Variants in WDTC1 observed in about 807,000 individuals in gnomAD.
WDTC1 encodes WD and tetratricopeptide repeats protein 1.
WDTC1 carries 12 observed loss-of-function variants against 76.0 expected under a neutral mutation model. That is an observed-to-expected ratio of 0.16 (90% CI 0.10 to 0.26). The LOEUF is 0.26. WDTC1 is among the 10% of genes least tolerant of loss of function. The pLI is 1.00. For missense variants in WDTC1, 511 were observed against 908.8 expected (o/e 0.56, Z 5.63); for synonymous variants, 326 against 350.8 (o/e 0.93, Z 0.79).
At chr1:27,253,376 T>C (rs1263768573) in intron 1 of WDTC1, among the ~76,000 whole-genome samples, 11 of 68,354 alleles carry the variant, frequency 1.6e-4, no homozygotes, top group Non-Finnish European at 3.4e-4. Context: ...TCTTCTTCTT[T>C]CTTCTTTCTT....
chr1:27,276,061 C>CT (rs1233854172), intron 3 of WDTC1, among the ~76,000 whole-genome samples: 3 of 152,182 alleles, frequency 2.0e-5, no homozygotes, highest in Non-Finnish European at 2.9e-5. Context: ...CTGTACTTCT[C>CT]TTTTTTGCGG....
rs751733642 is a variant in WDTC1, at chr1:27,292,379, G to T, written c.644G>T (p.Arg215Leu). ...SGPFVRLYDI[R>L]MIHNHRKSMK... ...CCCTTCGTGAGGCTCTATGACATCC[G>T]CATGATCCATAACCACAGGTATGAA... Residue 215 changes from arginine to leucine, a missense_variant, in exon 7 of 16, where the codon CGC becomes CTC. Physicochemically the swap from Arg to Leu is moderately radical, Grantham distance 102. Transcript: ENST00000319394. The T allele has an allele frequency of 2.5e-6, 4 of 1,604,148 alleles. No individual in the cohort carries two copies. Among genetic ancestry groups the T allele is most frequent in the Non-Finnish European group, 2.6e-6 (3 of 1,174,920 alleles).
At chr1:27,249,825 C>G (rs1299430903) in intron 1 of WDTC1, among the ~76,000 whole-genome samples, 1 of 152,154 alleles carries the variant, frequency 6.6e-6, no homozygotes, top group Non-Finnish European at 1.5e-5. Flanking sequence ...GATTCTCCCT[C>G]GGCCTCCCAA....
At position 27,303,659 on chromosome 1, in the gene WDTC1, C is replaced by G. The variant is rs769042238; in HGVS notation, c.1507C>G (p.Leu503Val). 6.2e-7 allele frequency: 1 copy of G among 1,608,088 alleles called. No homozygotes were observed. The highest frequency in any genetic ancestry group is 8.5e-7 in the Non-Finnish European group (1 of 1,177,884). Residue 503 changes from leucine to valine, a missense_variant, in exon 14 of 16, where the codon CTC becomes GTC. Physicochemically the swap from Leu to Val is conservative, Grantham distance 32. Coordinates refer to ENST00000319394, the MANE Select transcript of WDTC1 (RefSeq NM_001276252.2). The surrounding 1 kb of genome is among the most constrained non-coding windows in gnomAD (Gnocchi z 4.8). ...ACCTGGTGGCGGCGCCCCAGTCCGC[C>G]TCCGCAGCACGAGCCGCAAGGACTC... ...KGPGGGAPVR[L>V]RSTSRKDSIS...
At chr1:27,275,651 C>T (rs539628898) in intron 3 of WDTC1, among the ~76,000 whole-genome samples, 199 of 151,750 alleles carry the variant, frequency 1.3e-3, no homozygotes, top group Middle Eastern at 6.8e-3. Flanking sequence ...AAAGATGGAG[C>T]GGGGATCTGA....
rs542842151 is a variant in WDTC1, at chr1:27,291,573, G to C, written c.480-642G>C. Among the ~76,000 whole-genome samples the C allele has an allele frequency of 1.3e-3, 195 of 152,306 alleles. 1 individual carries two copies. The highest frequency in any genetic ancestry group is 4.6e-3 in the African/African-American group (193 of 41,562). On this transcript the variant is annotated intron_variant, in intron 6 of 15. Coordinates refer to ENST00000319394, the MANE Select transcript of WDTC1 (RefSeq NM_001276252.2). ...GCAGCACAAAGTTTCCCCGTCTGGA[G>C]CGGTGGGAGTTTGCTGCTGTTTGGT...
intron 1 of WDTC1, among the ~76,000 whole-genome samples, chr1:27,249,629 G>C (rs889880262): frequency 6.6e-6 from 1 of 151,936 alleles, no homozygotes; most frequent in South Asian, 2.1e-4. Context: ...TCTCACTAAG[G>C]CTGGAGTGGC....
chr1:27,262,572 G>C (rs1009393846), intron 2 of WDTC1, among the ~76,000 whole-genome samples: 49 of 152,104 alleles, frequency 3.2e-4, no homozygotes, highest in Admixed American at 9.2e-4. Flanking sequence ...ATTTTTAGTA[G>C]AGATGGGGTT....
At chr1:27,273,206 C>CTTTTTTTTTTTTTT (rs57130485) in intron 3 of WDTC1, among the ~76,000 whole-genome samples, 14 of 103,666 alleles carry the variant, frequency 1.4e-4, no homozygotes, top group Non-Finnish European at 1.6e-4. Flanking sequence ...TTTTTCTTTT[C>CTTTTTTTTTTTTTT]TTTTTTTTTT....
At chr1:27,281,697 TC>T (rs1166124387) in intron 3 of WDTC1, among the ~76,000 whole-genome samples, 9 of 152,056 alleles carry the variant, frequency 5.9e-5, no homozygotes, top group African/African-American at 4.8e-5. Context: ...CAAGTCATCC[TC>T]CCAACCTCAG....
At chr1:27,268,505 G>A (rs1272520952) in intron 3 of WDTC1, among the ~76,000 whole-genome samples, 1 of 151,634 alleles carries the variant, frequency 6.6e-6, no homozygotes, top group African/African-American at 2.4e-5. Flanking sequence ...TGCAACCTCC[G>A]CCTCCCAGGT....
intron 3 of WDTC1, among the ~76,000 whole-genome samples, chr1:27,272,720 C>T (rs913529069): frequency 2.6e-5 from 4 of 152,014 alleles, no homozygotes; most frequent in African/African-American, 9.7e-5. Flanking sequence ...GGAGACCAGC[C>T]TGGGTAACAT....
intron 2 of WDTC1, 125 bp downstream of exon 2, chr1:27,261,227 C>T: frequency 2.0e-6 from 2 of 1,022,130 alleles, no homozygotes; most frequent in Non-Finnish European, 1.5e-6. Context: ...TAGTTAGTGG[C>T]AGACCCAGGA....
chr1:27,246,648 G>A (rs767030765), intron 1 of WDTC1, among the ~76,000 whole-genome samples: 1 of 151,648 alleles, frequency 6.6e-6, no homozygotes, highest in African/African-American at 2.4e-5. Context: ...TGCAACCTCC[G>A]CCTTCCAGGT....
At position 27,260,945 on chromosome 1, in the gene WDTC1, T is replaced by G. The variant is rs1397405926; in HGVS notation, c.-99-11T>G. 2 of 1,260,932 alleles carry G rather than the reference T, an allele frequency of 1.6e-6. No individual in the cohort carries two copies. The highest frequency in any genetic ancestry group is 2.3e-6 in the Non-Finnish European group (2 of 886,380). 78.1% of individuals were successfully genotyped at this position (1,260,932 alleles called of 1,614,324 possible). The stretch of plus-strand genomic sequence containing the variant: ...TCCATCCTCCAAAGTTTGATGATTT[T>G]TTTCCCCCAGGTAATTAAATGTGTA... On this transcript the variant is annotated splice_polypyrimidine_tract_variant and intron_variant, in intron 1 of 15. Coordinates refer to ENST00000319394, the MANE Select transcript of WDTC1 (RefSeq NM_001276252.2).
upstream of WDTC1, chr1:27,234,534 A>C: frequency 8.3e-6 from 3 of 361,184 alleles, no homozygotes; most frequent in East Asian, 4.0e-5. Flanking sequence ...GGGCCCGGCT[A>C]GCCATTCTGG....
chr1:27,271,929 G>A (rs1201257422), intron 3 of WDTC1, among the ~76,000 whole-genome samples: 6 of 149,666 alleles, frequency 4.0e-5, no homozygotes, highest in East Asian at 2.0e-4. Context: ...AAGCCACTGC[G>A]CCCGGCCTAA....
At chr1:27,275,952 T>A (rs1046798881) in intron 3 of WDTC1, among the ~76,000 whole-genome samples, 3 of 152,228 alleles carry the variant, frequency 2.0e-5, no homozygotes, top group Non-Finnish European at 2.9e-5. Flanking sequence ...TCTGTTGCAA[T>A]GGATTTTCCT....
chr1:27,287,772 T>C lies in WDTC1; in HGVS notation c.390T>C (p.Phe130=), dbSNP rs1322999674. ...DLTVKETIHM[F]GDHTNRVKRI... ...CAGTAAAGGAGACCATCCACATGTTTGGAGACCACACAAACCGGGTGAAGC... is the reference window on the plus strand; with the variant it reads ...CAGTAAAGGAGACCATCCACATGTTCGGAGACCACACAAACCGGGTGAAGC... Residue 130 remains phenylalanine, a synonymous_variant, in exon 6 of 16, where the codon TTT becomes TTC. Transcript: ENST00000319394. 2.5e-6 allele frequency: 4 copies of C among 1,614,126 alleles called. No individual in the cohort carries two copies. Among genetic ancestry groups the C allele is most frequent in the Non-Finnish European group, 3.4e-6 (4 of 1,180,010 alleles).
Sources: gnomAD v4.1 joint callset for allele counts (sites outside exome capture counted in the v4.1 genomes callset) on GRCh38, gnomAD v4.1.1 for gene constraint, Gnocchi (gnomAD v3.1) non-coding constraint, MANE v1.5 for transcripts, NCBI Gene and HGNC (gene_info 2026-07-23, HGNC 2026-07-21) for gene names.